Variants in TAFA1 observed in about 807,000 individuals in gnomAD.
TAFA1 encodes the protein TAFA chemokine like family member 1.
Under a neutral mutation model 18.5 loss-of-function variants are expected in TAFA1, and 4 were observed. The observed-to-expected ratio is 0.22, with a 90% CI of 0.11 to 0.49. TAFA1 has a LOEUF of 0.49. Among genes scored for constraint, TAFA1 ranks in the 20% least tolerant of loss-of-function variants. The probability of loss-of-function intolerance (pLI) is 0.98; values close to 1 mark genes in which losing one functional copy is unlikely to be tolerated. For missense variants in TAFA1, 147 were observed against 169.0 expected (o/e 0.87, Z 0.72); for synonymous variants, 56 against 55.2 (o/e 1.01, Z -0.06).
intron 3 of TAFA1, among the ~76,000 whole-genome samples, chr3:68,498,647 G>T (rs1282811053): frequency 6.7e-6 from 1 of 149,046 alleles, no homozygotes; most frequent in East Asian, 2.0e-4. Flanking sequence ...GTTTTCCTTC[G>T]AAGGCTGATT....
intron 3 of TAFA1, among the ~76,000 whole-genome samples, chr3:68,474,862 T>A (rs554188617): frequency 6.6e-6 from 1 of 152,322 alleles, no homozygotes; most frequent in African/African-American, 2.4e-5. Flanking sequence ...TAACTTTGAC[T>A]ACCAGGACAA....
chr3:68,246,467 G>A (rs979433662), intron 2 of TAFA1, among the ~76,000 whole-genome samples: 4 of 151,498 alleles, frequency 2.6e-5, no homozygotes, highest in Non-Finnish European at 5.9e-5. Context: ...GCGGGCGCCT[G>A]TAGTCCCAGC....
chr3:68,209,699 A>G (rs981232394), intron 2 of TAFA1, among the ~76,000 whole-genome samples: 5 of 152,078 alleles, frequency 3.3e-5, no homozygotes, highest in Non-Finnish European at 5.9e-5. Context: ...CTATCATTCT[A>G]TCAACAAATA....
chr3:68,267,992 A>T (rs920762348), intron 2 of TAFA1, among the ~76,000 whole-genome samples: 4 of 152,198 alleles, frequency 2.6e-5, no homozygotes, highest in Non-Finnish European at 5.9e-5. Flanking sequence ...AACTCATTAG[A>T]AGAGCTATAG....
intron 2 of TAFA1, among the ~76,000 whole-genome samples, chr3:68,414,203 AG>A (rs2070769243): frequency 6.6e-6 from 1 of 152,128 alleles, no homozygotes; most frequent in African/African-American, 2.4e-5. Flanking sequence ...GCTACTTGGG[AG>A]GCTGAGGCAA....
intron 2 of TAFA1, among the ~76,000 whole-genome samples, chr3:68,007,902 T>C (rs555056331): frequency 1.3e-5 from 2 of 152,308 alleles, no homozygotes; most frequent in South Asian, 4.1e-4. Context: ...CTCCTGGGGC[T>C]CAGCTTCCCT....
chr3:68,301,362 C>G (rs1419852602), intron 2 of TAFA1, among the ~76,000 whole-genome samples: 6 of 152,094 alleles, frequency 3.9e-5, no homozygotes, highest in Non-Finnish European at 7.4e-5. Flanking sequence ...AATGAGCTTC[C>G]TAATTCTTTT....
chr3:68,347,882 T>G (rs2069191692), intron 2 of TAFA1, among the ~76,000 whole-genome samples: 1 of 152,144 alleles, frequency 6.6e-6, no homozygotes, highest in Non-Finnish European at 1.5e-5. Context: ...TCCTATTGGG[T>G]CTTTTCTCCT....
intron 2 of TAFA1, among the ~76,000 whole-genome samples, chr3:68,323,244 G>C (rs1247531618): frequency 1.3e-5 from 2 of 152,148 alleles, no homozygotes; most frequent in Admixed American, 6.6e-5. Context: ...CAGCTGAAAT[G>C]AATCAGGATT....
intron 2 of TAFA1, among the ~76,000 whole-genome samples, chr3:68,410,239 A>G (rs2070687078): frequency 6.6e-6 from 1 of 152,184 alleles, no homozygotes; most frequent in Admixed American, 6.5e-5. Context: ...TTGGGAAACT[A>G]GAGAGATGCC....
At chr3:68,033,345 C>A (rs1354675645) in intron 2 of TAFA1, among the ~76,000 whole-genome samples, 1 of 152,162 alleles carries the variant, frequency 6.6e-6, no homozygotes, top group Non-Finnish European at 1.5e-5. Context: ...CCTGACATAT[C>A]TGGAACATTC....
At chr3:68,405,509 C>A (rs568490206) in intron 2 of TAFA1, among the ~76,000 whole-genome samples, 24 of 149,480 alleles carry the variant, frequency 1.6e-4, no homozygotes, top group Admixed American at 2.7e-4. Flanking sequence ...ATAGGGAGTA[C>A]AAAGGGAGAC....
chr3:68,098,010 T>C (rs957541216), intron 2 of TAFA1, among the ~76,000 whole-genome samples: 4 of 152,144 alleles, frequency 2.6e-5, no homozygotes, highest in Non-Finnish European at 5.9e-5. Flanking sequence ...AATTGTGAAA[T>C]AGAAAATTAT....
chr3:68,168,794 C>A (rs1443659462), intron 2 of TAFA1, among the ~76,000 whole-genome samples: 3 of 152,132 alleles, frequency 2.0e-5, no homozygotes, highest in Non-Finnish European at 4.4e-5. Context: ...AAAAAATAGA[C>A]AATTGCTTTT....
intron 2 of TAFA1, among the ~76,000 whole-genome samples, chr3:68,382,750 A>T (rs1370214353): frequency 6.6e-6 from 1 of 152,148 alleles, no homozygotes; most frequent in Admixed American, 6.6e-5. Context: ...GAAGAATGTC[A>T]TTGGTAGTTT....
At chr3:68,116,469 A>G (rs2065326320) in intron 2 of TAFA1, among the ~76,000 whole-genome samples, 1 of 152,186 alleles carries the variant, frequency 6.6e-6, no homozygotes. Flanking sequence ...TAGATCATTC[A>G]TTCAACTTCG....
At chr3:68,498,838 C>G (rs1157830273) in intron 3 of TAFA1, among the ~76,000 whole-genome samples, 4 of 146,296 alleles carry the variant, frequency 2.7e-5, no homozygotes, top group African/African-American at 1.0e-4. Flanking sequence ...AGAGGGTTGG[C>G]TGCCAGCGTG....
intron 2 of TAFA1, among the ~76,000 whole-genome samples, chr3:68,274,130 G>A (rs6549098): frequency 0.68 from 103,690 of 152,024 alleles, 35,994 homozygotes; most frequent in African/African-American, 0.81. Context: ...TCTGTTTTAC[G>A]CTTAGGGTGG....
chr3:68,389,342 A>G (rs923442829), intron 2 of TAFA1, among the ~76,000 whole-genome samples: 2 of 152,204 alleles, frequency 1.3e-5, no homozygotes, highest in Non-Finnish European at 2.9e-5. Context: ...GTGACTAAAA[A>G]TATTGTATTC....
Sources: gnomAD v4.1 joint callset for allele counts (sites outside exome capture counted in the v4.1 genomes callset) on GRCh38, gnomAD v4.1.1 for gene constraint, MANE v1.5 for transcripts, NCBI Gene and HGNC (gene_info 2026-07-23, HGNC 2026-07-21) for gene names.